The following FYN variants were observed in gnomAD, a reference collection of about 807,000 sequenced individuals.
The protein encoded by FYN is tyrosine-protein kinase Fyn.
Under a neutral mutation model 70.2 loss-of-function variants are expected in FYN, and 10 were observed. The observed-to-expected ratio is 0.14, with a 90% CI of 0.09 to 0.24. The LOEUF (loss-of-function observed/expected upper bound fraction) is 0.24, where lower values mean the gene tolerates loss of function less well. FYN is among the 10% of genes least tolerant of loss of function. FYN has a pLI of 1.00. For synonymous variants in FYN, 236 were observed against 248.6 expected (o/e 0.95, Z 0.48); for missense variants, 319 against 673.1 (o/e 0.47, Z 5.82).
chr6:111,680,550 A>T (rs1798738018), intron 12 of FYN, among the ~76,000 whole-genome samples: 1 of 152,216 alleles, frequency 6.6e-6, no homozygotes, highest in African/African-American at 2.4e-5. Flanking sequence ...AAGATAACAC[A>T]TCATTACCTT....
In FYN at chr6:111,810,455, A is replaced by G. The variant is rs80178220; in HGVS notation, c.-81-29820T>C. ...AATATTCTGCGGTATTGAAAGTGCA[A>G]ACACTTTCAATGGTTACCTCCTGTG... On this transcript the variant is annotated intron_variant, in intron 2 of 13. Coordinates refer to ENST00000354650, the MANE Select transcript of FYN (RefSeq NM_002037.5). Among the ~76,000 whole-genome samples the G allele has an allele frequency of 2.3e-3, 352 of 152,288 alleles. 2 individuals carry two copies. Among genetic ancestry groups the G allele is most frequent in the African/African-American group, 8.2e-3 (341 of 41,558 alleles).
Position 111,661,781 on chromosome 6 carries a change from A to G in FYN, c.1572T>C (p.Phe524=). ...EYLQSFLEDY[F]TATEPQYQPG... is the part of the protein sequence containing the mutation. ...GTTGGTACTGGGGCTCTGTCGCGGT[A>G]AAGTAGTCTTCCAGGAAGCTCTGCA... is the stretch of plus-strand genomic sequence containing the variant. Residue 524 remains phenylalanine, a synonymous_variant, in exon 14 of 14, where the codon TTT becomes TTC. Coordinates refer to ENST00000354650, the MANE Select transcript of FYN (RefSeq NM_002037.5). This position sits in a 1 kb window ranked among gnomAD's most constrained non-coding sequence, Gnocchi z 4.0. The G allele has an allele frequency of 3.7e-6, 6 of 1,614,184 alleles. No individual in the cohort carries two copies. Among genetic ancestry groups the G allele is most frequent in the Non-Finnish European group, 5.1e-6 (6 of 1,180,020 alleles).
chr6:111,758,256 G>A (rs1282605774), intron 3 of FYN, among the ~76,000 whole-genome samples: 2 of 152,162 alleles, frequency 1.3e-5, no homozygotes, highest in African/African-American at 4.8e-5. Context: ...GCACTGCTAA[G>A]TTAAAACAAA....
intron 2 of FYN, among the ~76,000 whole-genome samples, chr6:111,795,865 T>C (rs1238349107): frequency 2.0e-5 from 3 of 152,218 alleles, no homozygotes; most frequent in African/African-American, 4.8e-5. Context: ...TTATTTCTCA[T>C]GATGAATCAA....
chr6:111,857,899 T>G (rs1773865316), intron 1 of FYN, among the ~76,000 whole-genome samples: 1 of 152,212 alleles, frequency 6.6e-6, no homozygotes, highest in Non-Finnish European at 1.5e-5. Flanking sequence ...CTCTGGCCTC[T>G]GTGGGATGTC....
intron 3 of FYN, among the ~76,000 whole-genome samples, chr6:111,733,109 G>C (rs918891540): frequency 2.6e-5 from 4 of 152,096 alleles, no homozygotes; most frequent in Non-Finnish European, 5.9e-5. Context: ...GAACCAATAA[G>C]AACTTCTGAT....
Position 111,703,032 on chromosome 6 carries a change from C to T in FYN, c.550G>A (p.Ala184Thr). Reference protein sequence around the residue: ...LIRESETTKGAYSLSIRDWDD... With the variant: ...LIRESETTKGTYSLSIRDWDD... ...CAATCACGGATAGAAAGTGAATAGG[C>T]ACCTGGTAAACGTGGAAAGCATTAG... is the stretch of plus-strand genomic sequence containing the variant. Residue 184 changes from alanine (A) to threonine (T), a missense_variant and splice_region_variant, in exon 8 of 14, where the codon GCC (alanine) becomes ACC (threonine). Physicochemically the swap from Ala to Thr is moderately conservative, Grantham distance 58. Coordinates refer to ENST00000354650, the MANE Select transcript of FYN (RefSeq NM_002037.5). The T allele has an allele frequency of 6.2e-7, 1 of 1,613,604 alleles. No homozygotes were observed. Among genetic ancestry groups the T allele is most frequent in the Non-Finnish European group, 8.5e-7 (1 of 1,179,764 alleles).
At chr6:111,849,618 C>T (rs774945132) in intron 1 of FYN, among the ~76,000 whole-genome samples, 13 of 152,114 alleles carry the variant, frequency 8.5e-5, no homozygotes, top group South Asian at 2.1e-4. Flanking sequence ...CTGTGAGAGA[C>T]GGTGTACAGT....
chr6:111,867,777 C>G (rs536087412), intron 1 of FYN, among the ~76,000 whole-genome samples: 56 of 152,202 alleles, frequency 3.7e-4, no homozygotes, highest in Non-Finnish European at 6.5e-4. Context: ...TGCATTAGTT[C>G]TGCCTGCCCT....
intron 12 of FYN, among the ~76,000 whole-genome samples, chr6:111,688,354 T>C (rs1459428522): frequency 6.6e-6 from 1 of 152,192 alleles, no homozygotes; most frequent in African/African-American, 2.4e-5. Context: ...CAACCCTTTC[T>C]GGAGGTTCCT....
intron 3 of FYN, among the ~76,000 whole-genome samples, chr6:111,747,403 C>T (rs1011107534): frequency 1.3e-5 from 2 of 152,204 alleles, no homozygotes; most frequent in African/African-American, 4.8e-5. Context: ...AACTCCATTT[C>T]CTTACTCTGT....
In FYN at chr6:111,750,313, G is replaced by A. The variant is rs1802427168; in HGVS notation, c.-11-30251C>T. Among the ~76,000 whole-genome samples, 5 of 152,234 alleles carry A rather than the reference G, an allele frequency of 3.3e-5. No homozygotes were observed. In the South Asian group the frequency reaches 8.3e-4, roughly 25 times the overall value. ...TGACAGTGAGTTCTTGTGAGATCTG[G>A]TTGTTTAAAAGTGGGTAGCACCTTT... On this transcript the variant is annotated intron_variant, in intron 3 of 13. Transcript: ENST00000354650.
chr6:111,679,507 CA>C (rs775871174), intron 12 of FYN, among the ~76,000 whole-genome samples: 1 of 152,184 alleles, frequency 6.6e-6, no homozygotes, highest in Non-Finnish European at 1.5e-5. Context: ...GCAGAGAAAG[CA>C]CTTGATAAAC....
chr6:111,699,180 G>A (rs1488923809), intron 9 of FYN, among the ~76,000 whole-genome samples: 1 of 152,210 alleles, frequency 6.6e-6, no homozygotes, highest in Admixed American at 6.5e-5. Context: ...TAGCTAGTAA[G>A]GATTCAAACC....
chr6:111,825,417 C>T (rs774273541), intron 2 of FYN, among the ~76,000 whole-genome samples: 2 of 152,182 alleles, frequency 1.3e-5, no homozygotes, highest in African/African-American at 4.8e-5. Flanking sequence ...GGCTCAAATC[C>T]TAGCATTTTC....
At chr6:111,837,069 T>A (rs1034931680) in intron 2 of FYN, among the ~76,000 whole-genome samples, 7 of 152,192 alleles carry the variant, frequency 4.6e-5, no homozygotes, top group African/African-American at 1.7e-4. Context: ...AAAAAAACAC[T>A]CCTGACACTT....
At chr6:111,790,246 A>T (rs1771562278) in intron 2 of FYN, among the ~76,000 whole-genome samples, 1 of 94,490 alleles carries the variant, frequency 1.1e-5, no homozygotes, top group Non-Finnish European at 2.0e-5. Flanking sequence ...TGAACCTTAG[A>T]TACACACACA....
At chr6:111,684,521 G>T (rs1282922628) in intron 12 of FYN, among the ~76,000 whole-genome samples, 3 of 152,196 alleles carry the variant, frequency 2.0e-5, no homozygotes, top group African/African-American at 7.2e-5. Context: ...GGGTTTTGCA[G>T]TCGGGGAAGG....
intron 2 of FYN, among the ~76,000 whole-genome samples, chr6:111,795,847 C>A (rs1240571252): frequency 6.6e-6 from 1 of 152,144 alleles, no homozygotes; most frequent in Non-Finnish European, 1.5e-5. Flanking sequence ...GACTCCAAAG[C>A]TTATGTATTA....
Sources: allele counts gnomAD v4.1 joint callset (sites outside exome capture counted in the v4.1 genomes callset), GRCh38; gene constraint gnomAD v4.1.1; non-coding constraint Gnocchi (gnomAD v3.1); transcripts MANE v1.5; gene names NCBI Gene and HGNC (gene_info 2026-07-23, HGNC 2026-07-21).